CCDC7: variants seen among roughly 807,000 people sequenced by gnomAD.
The protein encoded by CCDC7 is coiled-coil domain-containing protein 7.
Under a neutral mutation model 196.9 loss-of-function variants are expected in CCDC7, and 183 were observed. The ratio of observed to expected loss-of-function variants is 0.93; its 90% CI spans 0.82 to 1.05. CCDC7 has a LOEUF of 1.05. Among genes scored for constraint, CCDC7 ranks in the 50% least tolerant of loss-of-function variants. The pLI is 0.00. For synonymous variants in CCDC7, 525 were observed against 484.6 expected, an observed-to-expected ratio of 1.08 and a Z score of -1.10; for missense variants, 1,540 against 1,482.2, an observed-to-expected ratio of 1.04 and a Z score of -0.64.
intron 20 of CCDC7, among the ~76,000 whole-genome samples, chr10:32,639,934 A>G (rs1305739851): frequency 6.6e-6 from 1 of 152,136 alleles, no homozygotes; most frequent in Non-Finnish European, 1.5e-5. Context: ...GTTGTTTTAC[A>G]TTTGCTAAGG....
chr10:32,705,824 C>T (rs2079634652), intron 24 of CCDC7, among the ~76,000 whole-genome samples: 4 of 152,120 alleles, frequency 2.6e-5, no homozygotes, highest in South Asian at 4.1e-4. Context: ...TAAAGAAAGC[C>T]CTTAGAGACC....
In CCDC7 at chr10:32,476,063, A is replaced by T. The variant is rs1323216292; in HGVS notation, c.796+2040A>T. ...GATGAACCAATTTTGATACATTATT[A>T]TTAACTAAAGTCCATAGTTTACATC... On this transcript the variant is annotated intron_variant, in intron 8 of 41. Transcript: ENST00000639629. Among the ~76,000 whole-genome samples the T allele has an allele frequency of 3.3e-5, 5 of 152,320 alleles. No individual in the cohort carries two copies. In the East Asian group the frequency reaches 9.6e-4, roughly 29 times the overall value.
intron 28 of CCDC7, among the ~76,000 whole-genome samples, chr10:32,732,341 A>G (rs1287260561): frequency 6.6e-6 from 1 of 152,172 alleles, no homozygotes; most frequent in Non-Finnish European, 1.5e-5. Flanking sequence ...TTCTCTCCTT[A>G]GTTTATATGT....
At position 32,472,644 on chromosome 10, in the gene CCDC7, G is replaced by T. The variant is rs916744688; in HGVS notation, c.739+102G>T. 1.4e-4 allele frequency: 153 copies of T among 1,071,402 alleles called. No homozygotes were observed. In the African/African-American group the frequency reaches 2.3e-3, roughly 16 times the overall value. 66.4% of individuals were successfully genotyped at this position (1,071,402 alleles called of 1,614,324 possible). ...GGGTCTCACTCTGTCACCCATGCTG[G>T]AGTGTAGTGGCATGAATATCGCTCA... is the stretch of plus-strand genomic sequence containing the variant. On this transcript the variant is annotated intron_variant, in intron 7 of 41. Transcript: ENST00000639629.
chr10:32,821,589 T>C (rs894434365), intron 31 of CCDC7, among the ~76,000 whole-genome samples: 9 of 152,138 alleles, frequency 5.9e-5, no homozygotes, highest in Non-Finnish European at 1.3e-4. Context: ...TAGACTGGAT[T>C]AAGAAAAGTG....
At chr10:32,570,362 C>T (rs1205241356) in intron 15 of CCDC7, among the ~76,000 whole-genome samples, 1 of 152,196 alleles carries the variant, frequency 6.6e-6, no homozygotes, top group African/African-American at 2.4e-5. Context: ...TAATTGGTCT[C>T]TCTCTTTCCA....
At chr10:32,716,850 A>C (rs753535435) in intron 25 of CCDC7, among the ~76,000 whole-genome samples, 1 of 152,226 alleles carries the variant, frequency 6.6e-6, no homozygotes, top group African/African-American at 2.4e-5. Context: ...AGAGCTAACT[A>C]TCCTAAATAT....
intron 28 of CCDC7, among the ~76,000 whole-genome samples, chr10:32,731,859 C>G (rs2084026869): frequency 6.6e-6 from 1 of 152,164 alleles, no homozygotes; most frequent in African/African-American, 2.4e-5. Flanking sequence ...CGAGACCATC[C>G]TGGCTAACAC....
intron 25 of CCDC7, among the ~76,000 whole-genome samples, chr10:32,714,903 G>C (rs187841512): frequency 1.2e-3 from 185 of 152,316 alleles, no homozygotes; most frequent in African/African-American, 4.2e-3. Context: ...CCCAGCCAGG[G>C]GCTTATAGAT....
chr10:32,532,185 TTTC>T (rs1434554728), intron 11 of CCDC7, among the ~76,000 whole-genome samples: 2 of 152,154 alleles, frequency 1.3e-5, no homozygotes, highest in South Asian at 2.1e-4. Context: ...TGCTATAAAT[TTTC>T]TTCTTAATGC....
intron 25 of CCDC7, among the ~76,000 whole-genome samples, chr10:32,721,982 C>T (rs2082477715): frequency 6.6e-6 from 1 of 152,114 alleles, no homozygotes; most frequent in Non-Finnish European, 1.5e-5. Flanking sequence ...GAATGAACTA[C>T]CAATAATCAA....
chr10:32,758,410 T>C (rs1213456214), intron 28 of CCDC7, among the ~76,000 whole-genome samples: 1 of 152,208 alleles, frequency 6.6e-6, no homozygotes, highest in East Asian at 1.9e-4. Context: ...CATGATCAAG[T>C]TGGCTTCATC....
intron 18 of CCDC7, among the ~76,000 whole-genome samples, chr10:32,631,652 T>C (rs965566022): frequency 7.4e-6 from 1 of 134,924 alleles, no homozygotes; most frequent in African/African-American, 2.7e-5. Context: ...TAAGTTTTAG[T>C]GTTGCCTTCT....
intron 3 of CCDC7, among the ~76,000 whole-genome samples, chr10:32,460,278 A>G (rs1458120799): frequency 1.3e-5 from 2 of 152,208 alleles, no homozygotes; most frequent in African/African-American, 4.8e-5. Context: ...GATAATGTCT[A>G]CTTATCAGTA....
intron 31 of CCDC7, among the ~76,000 whole-genome samples, chr10:32,822,924 G>A (rs1468509115): frequency 1.3e-5 from 2 of 152,144 alleles, no homozygotes; most frequent in Non-Finnish European, 2.9e-5. Context: ...TGTATTCGTA[G>A]TGTTTAACTC....
chr10:32,450,364 A>G (rs1472050851), upstream of CCDC7, among the ~76,000 whole-genome samples: 1 of 152,190 alleles, frequency 6.6e-6, no homozygotes, highest in African/African-American at 2.4e-5. Flanking sequence ...TAACTTTGTC[A>G]TATCTGCAAA....
chr10:32,858,747 C>CA (rs754823179), intron 41 of CCDC7, among the ~76,000 whole-genome samples: 252 of 147,562 alleles, frequency 1.7e-3, no homozygotes, highest in South Asian at 4.5e-3. Context: ...AAATGGAAAG[C>CA]AAAAAAAAAC....
chr10:32,501,093 G>C (rs1481201107), intron 9 of CCDC7, among the ~76,000 whole-genome samples: 1 of 151,902 alleles, frequency 6.6e-6, no homozygotes, highest in African/African-American at 2.4e-5. Flanking sequence ...CTCTTTTTTT[G>C]TCTAATCTTG....
Position 32,583,318 on chromosome 10 carries a change from TATAG to T in CCDC7, c.1728+13_1728+16del. 4 of 1,223,072 alleles carry T rather than the reference TATAG, an allele frequency of 3.3e-6. No homozygotes were observed. The highest frequency in any genetic ancestry group is 4.1e-6 in the Non-Finnish European group (4 of 979,918). 75.8% of individuals were successfully genotyped at this position (1,223,072 alleles called of 1,614,324 possible). A position where few individuals can be genotyped will look rare whatever the true frequency, so the allele number is the denominator to read the frequency against. ...ACAGAAAGTAAAAAGGTATGATATA[TATAG>T]AAACTTGAAAGCTGTTTATTTCATA... On this transcript the variant is annotated intron_variant, in intron 17 of 41. Coordinates refer to ENST00000639629, the Ensembl canonical transcript of CCDC7.
Sources: allele counts gnomAD v4.1 joint callset (sites outside exome capture counted in the v4.1 genomes callset), GRCh38; gene constraint gnomAD v4.1.1; transcripts MANE v1.5; gene names NCBI Gene and HGNC (gene_info 2026-07-23, HGNC 2026-07-21).